SCAPER: variants seen among roughly 807,000 people sequenced by gnomAD.
The protein encoded by SCAPER is S phase cyclin A-associated protein in the endoplasmic reticulum.
In SCAPER, 98 loss-of-function variants were observed where a neutral mutation model predicts 182.2. The observed-to-expected ratio is 0.54, with a 90% CI of 0.46 to 0.64. The LOEUF (loss-of-function observed/expected upper bound fraction) is 0.64, where lower values mean the gene tolerates loss of function less well. Ranked by LOEUF, SCAPER falls within the 30% of genes least tolerant of loss-of-function variation. SCAPER has a pLI of 0.00. For synonymous variants in SCAPER, 605 were observed against 564.6 expected (o/e 1.07, Z -1.01); for missense variants, 1,432 against 1,690.0 (o/e 0.85, Z 2.68).
intron 11 of SCAPER, among the ~76,000 whole-genome samples, chr15:76,766,080 C>CATTTATTT (rs35954470): frequency 0.028 from 4,207 of 148,460 alleles, 92 homozygotes; most frequent in African/African-American, 0.061. Flanking sequence ...ATCATTTGCT[C>CATTTATTT]ATTTATTTAT....
intron 18 of SCAPER, among the ~76,000 whole-genome samples, chr15:76,704,236 G>A (rs2059122555): frequency 6.6e-6 from 1 of 152,176 alleles, no homozygotes; most frequent in African/African-American, 2.4e-5. Flanking sequence ...AATGTTAGAT[G>A]AGTAGGTTGC....
At chr15:76,766,881 AT>A (rs756029207) in intron 11 of SCAPER, 36 bp downstream of exon 11, 1 of 1,551,552 alleles carries the variant, frequency 6.4e-7, no homozygotes, top group Non-Finnish European at 8.7e-7. Context: ...CTAAATATAA[AT>A]TTTGAATAGT....
At chr15:76,787,429 G>A (rs1012881085) in intron 8 of SCAPER, among the ~76,000 whole-genome samples, 7 of 152,058 alleles carry the variant, frequency 4.6e-5, no homozygotes, top group Non-Finnish European at 8.8e-5. Context: ...CTCTCCCCAA[G>A]GCTGGAATGC....
In SCAPER at chr15:76,649,185, C is replaced by T. The variant is rs188952651; in HGVS notation, c.2645+16468G>A. ...CTCACTCCTTGTGTGTGTCCATGTC[C>T]TTAGTTTTCTTGGCATGAGGCAACA... On this transcript the variant is annotated intron_variant, in intron 21 of 31. Coordinates refer to ENST00000563290, the MANE Select transcript of SCAPER (RefSeq NM_020843.4). 3.3e-5 allele frequency among the ~76,000 whole-genome samples: 5 copies of T among 152,224 alleles called. No homozygotes were observed. In the East Asian group the frequency reaches 9.6e-4, roughly 29 times the overall value.
At chr15:76,867,008 T>A (rs2072347854) in intron 2 of SCAPER, among the ~76,000 whole-genome samples, 1 of 152,192 alleles carries the variant, frequency 6.6e-6, no homozygotes, top group Admixed American at 6.5e-5. Flanking sequence ...AAAGTTTTTA[T>A]GTTCAAATCT....
chr15:76,401,628 G>A (rs1245000257), intron 27 of SCAPER, among the ~76,000 whole-genome samples: 1 of 152,092 alleles, frequency 6.6e-6, no homozygotes, highest in Non-Finnish European at 1.5e-5. Context: ...TAACATTTAT[G>A]GAGCTCATTT....
At chr15:76,502,954 C>T (rs2143774382) in intron 24 of SCAPER, among the ~76,000 whole-genome samples, 1 of 152,254 alleles carries the variant, frequency 6.6e-6, no homozygotes, top group Admixed American at 6.5e-5. Flanking sequence ...AGCACCAGAA[C>T]AACATACTCT....
intron 8 of SCAPER, chr15:76,793,352 G>A (rs1409721051): frequency 1.4e-6 from 1 of 696,090 alleles, no homozygotes; most frequent in East Asian, 2.7e-5. Context: ...TTGACAAGTG[G>A]CTGGCAGCCC....
intron 17 of SCAPER, among the ~76,000 whole-genome samples, chr15:76,718,348 G>C (rs925566636): frequency 6.6e-6 from 1 of 152,190 alleles, no homozygotes; most frequent in Non-Finnish European, 1.5e-5. Flanking sequence ...TAAGGAATGG[G>C]GCAAAATATT....
At chr15:76,669,210 AAGC>A (rs765960884) in intron 20 of SCAPER, among the ~76,000 whole-genome samples, 20 of 151,178 alleles carry the variant, frequency 1.3e-4, no homozygotes, top group African/African-American at 2.4e-4. Context: ...AACAAAAAAC[AAGC>A]AGCAGCAACA....
chr15:76,666,527 C>A lies in SCAPER; in HGVS notation c.2509-738G>T, dbSNP rs35498563. ...GCATGGCAAAATCCCAATCCTAAAT[C>A]CAACTCTCTCCCTATTCTGAGCCTA... On this transcript the variant is annotated intron_variant, in intron 20 of 31. Transcript: ENST00000563290. Among the ~76,000 whole-genome samples, 597 of 152,046 alleles carry A rather than the reference C, an allele frequency of 3.9e-3. 5 individuals carry two copies. Among genetic ancestry groups the A allele is most frequent in the African/African-American group, 0.012 (508 of 41,492 alleles).
At chr15:76,441,724 T>C (rs185362128) in intron 25 of SCAPER, among the ~76,000 whole-genome samples, 53 of 152,310 alleles carry the variant, frequency 3.5e-4, no homozygotes, top group African/African-American at 1.3e-3. Flanking sequence ...TTTAAAGTAA[T>C]ATTTCTCTCC....
intron 17 of SCAPER, among the ~76,000 whole-genome samples, chr15:76,707,933 T>C (rs942045344): frequency 6.6e-6 from 1 of 152,076 alleles, no homozygotes; most frequent in African/African-American, 2.4e-5. Context: ...AGATCAACAA[T>C]AGGAAGAAAT....
chr15:76,563,617 T>C (rs2046811347), intron 23 of SCAPER, among the ~76,000 whole-genome samples: 1 of 152,186 alleles, frequency 6.6e-6, no homozygotes, highest in Non-Finnish European at 1.5e-5. Context: ...CTATTCCTAC[T>C]GAAACTGTTC....
At chr15:76,796,870 A>C (rs1457882503) in intron 7 of SCAPER, among the ~76,000 whole-genome samples, 1 of 152,212 alleles carries the variant, frequency 6.6e-6, no homozygotes, top group African/African-American at 2.4e-5. Flanking sequence ...TCAACCTTTA[A>C]AGGCAATACT....
intron 23 of SCAPER, among the ~76,000 whole-genome samples, chr15:76,561,063 T>C (rs974181398): frequency 2.0e-5 from 3 of 152,038 alleles, no homozygotes; most frequent in African/African-American, 7.2e-5. Flanking sequence ...CAGACTTACA[T>C]AAATGTGGTT....
chr15:76,431,796 A>T (rs2046889656), intron 26 of SCAPER, among the ~76,000 whole-genome samples: 1 of 151,940 alleles, frequency 6.6e-6, no homozygotes, highest in African/African-American at 2.4e-5. Flanking sequence ...TATCTGTAAG[A>T]AAACAATATT....
chr15:76,350,940 G>A (rs181143161), intron 31 of SCAPER: 54 of 231,368 alleles, frequency 2.3e-4, no homozygotes, highest in South Asian at 1.2e-4. Context: ...ATTACAAAGC[G>A]GCTCTTTAGT....
At chr15:76,863,576 C>T (rs1287803419) in intron 2 of SCAPER, among the ~76,000 whole-genome samples, 1 of 152,090 alleles carries the variant, frequency 6.6e-6, no homozygotes, top group African/African-American at 2.4e-5. Flanking sequence ...CCTCAAAGAG[C>T]TAACAATCCA....
Sources: gnomAD v4.1 joint callset for allele counts (sites outside exome capture counted in the v4.1 genomes callset) on GRCh38, gnomAD v4.1.1 for gene constraint, MANE v1.5 for transcripts, NCBI Gene and HGNC (gene_info 2026-07-23, HGNC 2026-07-21) for gene names.